Variants in RTEL1 observed in about 807,000 individuals in gnomAD.
The protein encoded by RTEL1 is regulator of telomere length.
A neutral mutation model predicts 162.2 loss-of-function variants in RTEL1; 86 were observed. The observed-to-expected ratio is 0.53, with a 90% CI of 0.45 to 0.63. The LOEUF (loss-of-function observed/expected upper bound fraction) is 0.63. RTEL1 is among the 30% of genes least tolerant of loss of function. RTEL1 has a pLI of 0.00. For missense variants in RTEL1, 1,941 were observed against 1,750.2 expected (o/e 1.11, Z -1.95); for synonymous variants, 958 against 717.9 (o/e 1.33, Z -5.35).
chr20:63,695,837 C>G lies in RTEL1; in HGVS notation c.3882C>G (p.Val1294=). ...CCAGGAAGCAGAGCGTCATGCAGGT[C>G]TTCTGGCCAGAGCCCCAGTGAGTGC... ...TASRKQSVMQ[V]FWPEPQ The change falls in exon 35 of 35, where the codon GTC becomes GTG. Residue 1294 remains valine (V), a synonymous_variant. Transcript: ENST00000360203. The G allele has an allele frequency of 1.3e-6, 2 of 1,596,536 alleles. No homozygotes were observed. Among genetic ancestry groups the G allele is most frequent in the Non-Finnish European group, 1.7e-6 (2 of 1,173,202 alleles).
intron 21 of RTEL1, 163 bp downstream of exon 21, chr20:63,688,768 T>A (rs1307619520): frequency 3.0e-6 from 2 of 673,884 alleles, no homozygotes; most frequent in African/African-American, 3.6e-5. Flanking sequence ...TGTTGCCTCT[T>A]ATCTTACAAA....
intron 14 of RTEL1, among the ~76,000 whole-genome samples, chr20:63,683,603 C>T (rs539639956): frequency 1.9e-4 from 29 of 152,356 alleles, no homozygotes; most frequent in South Asian, 4.1e-4. Context: ...TTCTCTAGTT[C>T]GGCTTCTCCG....
chr20:63,666,239 AG>A (rs1192953909), intron 7 of RTEL1, among the ~76,000 whole-genome samples, 160 bp downstream of exon 7: 23 of 152,266 alleles, frequency 1.5e-4, no homozygotes, highest in Non-Finnish European at 3.1e-4. Flanking sequence ...GCTCTGAGGA[AG>A]ATAGAGTAAA....
At chr20:63,691,694 AGT>A (rs777174548) in intron 27 of RTEL1, 46 bp from the exon 28 acceptor site, 1 of 1,493,180 alleles carries the variant, frequency 6.7e-7, no homozygotes, top group Admixed American at 1.7e-5. Context: ...GGGACCCCAG[AGT>A]GTGTGGTTGG....
chr20:63,693,558 ACCTCCACCACCTCCACCT>A (rs2090861098), intron 30 of RTEL1, among the ~76,000 whole-genome samples: 2 of 95,924 alleles, frequency 2.1e-5, no homozygotes, highest in Non-Finnish European at 4.1e-5. Flanking sequence ...CACCACCTCC[ACCTCCACCACCTCCACCT>A]CCACCACCAC....
At chr20:63,678,933 C>T (rs2090428041) in intron 12 of RTEL1, among the ~76,000 whole-genome samples, 1 of 152,142 alleles carries the variant, frequency 6.6e-6, no homozygotes, top group South Asian at 2.1e-4. Flanking sequence ...CACACTCTCC[C>T]ACGCGGGGCC....
intron 14 of RTEL1, among the ~76,000 whole-genome samples, chr20:63,684,885 C>T (rs73137734): frequency 0.022 from 3,317 of 150,948 alleles, 51 homozygotes; most frequent in Non-Finnish European, 0.033. Context: ...TGTTGAATTC[C>T]TGTTTTTTTT....
At chr20:63,678,053 CT>C (rs1365606842) in intron 10 of RTEL1, 91 bp from the exon 11 acceptor site, 10 of 1,474,338 alleles carry the variant, frequency 6.8e-6, no homozygotes, top group African/African-American at 2.8e-5. Flanking sequence ...TGTTGGTGTC[CT>C]TTTTTCCATG....
At position 63,693,234 on chromosome 20, in the gene RTEL1, G is replaced by A. The variant is rs1409271751; in HGVS notation, c.2943G>A (p.Glu981=). Residue 981 remains glutamate, a synonymous_variant, in exon 30 of 35, where the codon GAG becomes GAA. Transcript: ENST00000360203. The part of the protein sequence containing the change: ...LTGRGCGYRP[E]HSIPRRQRAQ... ...GACGAGGCTGTGGCTATCGGCCTGAGCACAGCATTCCCCGAAGGCAGCGGG... is the reference window on the plus strand; with the variant it reads ...GACGAGGCTGTGGCTATCGGCCTGAACACAGCATTCCCCGAAGGCAGCGGG... The A allele has an allele frequency of 1.2e-6, 2 of 1,612,054 alleles. No individual in the cohort carries two copies. The highest frequency in any genetic ancestry group is 1.7e-6 in the Non-Finnish European group (2 of 1,179,486).
intron 6 of RTEL1, among the ~76,000 whole-genome samples, 185 bp from the exon 7 acceptor site, chr20:63,665,819 C>T (rs1414834176): frequency 1.3e-5 from 2 of 152,164 alleles, no homozygotes; most frequent in Admixed American, 1.3e-4. Flanking sequence ...CTCAGGATCA[C>T]TCGGGTGGGG....
Position 63,693,126 on chromosome 20 carries a change from C to G in RTEL1, c.2852-17C>G, listed in dbSNP as rs200335181. ...AGAAAAAGGGGCAGATGGGGACAGACGCCCCTTCCTCTACAGGCTTCTACC... is the reference window on the plus strand; with the variant it reads ...AGAAAAAGGGGCAGATGGGGACAGAGGCCCCTTCCTCTACAGGCTTCTACC... On this transcript the variant is annotated splice_polypyrimidine_tract_variant and intron_variant, in intron 29 of 34. Coordinates refer to ENST00000360203, the MANE Select transcript of RTEL1 (RefSeq NM_001283009.2). 3.1e-6 allele frequency: 5 copies of G among 1,612,256 alleles called. No individual in the cohort carries two copies.
intron 6 of RTEL1, among the ~76,000 whole-genome samples, chr20:63,664,435 G>GGACC (rs2090084449): frequency 2.6e-5 from 4 of 152,052 alleles, no homozygotes; most frequent in African/African-American, 9.7e-5. Flanking sequence ...GCTGGGCCTG[G>GGACC]TACCTGGTGG....
rs1176757317 is a variant in RTEL1 at position 63,667,521 on chromosome 20, T to C, written c.667T>C (p.Phe223Leu). Reference sequence around the variant, plus strand: ...CCTGAAGCAGCAAGCCGACATCATATTCATGCCGTACAATTACTTGTTGGA... The same window carrying C: ...CCTGAAGCAGCAAGCCGACATCATACTCATGCCGTACAATTACTTGTTGGA... ...RNLKQQADIIFMPYNYLLDAK... is the reference protein window; with the variant it reads ...RNLKQQADIILMPYNYLLDAK... The change falls in exon 8 of 35, where the codon TTC (phenylalanine) becomes CTC (leucine). Residue 223 changes from phenylalanine (F) to leucine (L), a missense_variant. Coordinates refer to ENST00000360203, the MANE Select transcript of RTEL1 (RefSeq NM_001283009.2). 1 of 1,613,940 alleles carries C rather than the reference T, an allele frequency of 6.2e-7. No individual in the cohort carries two copies. The highest frequency in any genetic ancestry group is 8.5e-7 in the Non-Finnish European group (1 of 1,179,924).
At chr20:63,695,292 C>G in intron 33 of RTEL1, 36 bp from the exon 34 acceptor site, 1 of 1,587,636 alleles carries the variant, frequency 6.3e-7, no homozygotes, top group African/African-American at 1.3e-5. Flanking sequence ...GCAGCAAAGC[C>G]CCAGGCCCCC....
At chr20:63,667,158 T>C (rs1317387274) in intron 7 of RTEL1, among the ~76,000 whole-genome samples, 1 of 152,128 alleles carries the variant, frequency 6.6e-6, no homozygotes, top group East Asian at 1.9e-4. Flanking sequence ...TTTTTCTTAG[T>C]GGTTCTGCGT....
intron 2 of RTEL1, among the ~76,000 whole-genome samples, chr20:63,660,396 G>C (rs761402901): frequency 2.0e-5 from 3 of 152,234 alleles, no homozygotes; most frequent in Admixed American, 6.5e-5. Flanking sequence ...GCAGTGCATC[G>C]TGCCCCTGGT....
intron 10 of RTEL1, among the ~76,000 whole-genome samples, chr20:63,675,948 C>T (rs954589279): frequency 6.6e-6 from 1 of 152,244 alleles, no homozygotes; most frequent in East Asian, 1.9e-4. Flanking sequence ...GCCTTCTCCA[C>T]TCTTCAGTTT....
In RTEL1 at chr20:63,688,622, G is replaced by A. The variant is rs1228366656; in HGVS notation, c.1800+17G>A. 2 of 1,595,648 alleles carry A rather than the reference G, an allele frequency of 1.3e-6. No individual in the cohort carries two copies. Among genetic ancestry groups the A allele is most frequent in the African/African-American group, 1.3e-5 (1 of 74,776 alleles). On this transcript the variant is annotated intron_variant, in intron 21 of 34. Transcript: ENST00000360203. ...TTCTCCGAGGTCGGCACTTGGCCGG[G>A]GCTCTGGGCCTGCTGCCCCCTCGTG...
chr20:63,671,057 TTG>T (rs887259109), intron 8 of RTEL1, among the ~76,000 whole-genome samples: 7 of 152,092 alleles, frequency 4.6e-5, no homozygotes, highest in Non-Finnish European at 1.0e-4. Flanking sequence ...CTACTGTTTT[TTG>T]TGTTTTTGTT....
Sources: allele counts gnomAD v4.1 joint callset (sites outside exome capture counted in the v4.1 genomes callset), GRCh38; gene constraint gnomAD v4.1.1; transcripts MANE v1.5; gene names NCBI Gene and HGNC (gene_info 2026-07-23, HGNC 2026-07-21).